The following DNAJC18 variants were observed in gnomAD, a reference collection of about 807,000 sequenced individuals.
The protein encoded by DNAJC18 is DnaJ heat shock protein family (Hsp40) member C18, also known as dnaJ homolog subfamily C member 18.
Under a neutral mutation model 48.6 loss-of-function variants are expected in DNAJC18, and 40 were observed. The observed-to-expected ratio is 0.82, with a 90% CI of 0.64 to 1.07. The LOEUF (loss-of-function observed/expected upper bound fraction) is 1.07, where lower values mean the gene tolerates loss of function less well. Ranked by LOEUF, DNAJC18 falls within the 50% of genes least tolerant of loss-of-function variation. The probability of loss-of-function intolerance (pLI) is 0.00; values close to 1 mark genes in which losing one functional copy is unlikely to be tolerated. For missense variants in DNAJC18, 340 were observed against 427.7 expected, an observed-to-expected ratio of 0.79 and a Z score of 1.81; for synonymous variants, 135 against 152.2, an observed-to-expected ratio of 0.89 and a Z score of 0.83.
intron 2 of DNAJC18, among the ~76,000 whole-genome samples, chr5:139,435,704 A>ATTTTTTTTT (rs1561470246): frequency 3.5e-4 from 7 of 20,130 alleles, no homozygotes; most frequent in South Asian, 2.3e-3. Context: ...CTTCATTGGA[A>ATTTTTTTTT]GTTTTTTTTT....
intron 7 of DNAJC18, among the ~76,000 whole-genome samples, chr5:139,417,301 C>T (rs2152082585): frequency 6.6e-6 from 1 of 151,696 alleles, no homozygotes; most frequent in Middle Eastern, 3.4e-3. Context: ...TTGCTAAAAA[C>T]AGTTTGCATT....
chr5:139,420,389 TA>T, intron 6 of DNAJC18, 164 bp from the exon 7 acceptor site: 1 of 641,330 alleles, frequency 1.6e-6, no homozygotes, highest in South Asian at 2.4e-5. Flanking sequence ...AAGTTGTAAG[TA>T]TAACATCATC....
intron 6 of DNAJC18, 54 bp downstream of exon 6, chr5:139,422,654 A>C (rs1759173022): frequency 7.5e-7 from 1 of 1,327,726 alleles, no homozygotes; most frequent in Non-Finnish European, 1.1e-6. Flanking sequence ...CAAAACCTTC[A>C]AGTCTTTCAC....
In DNAJC18 at chr5:139,422,595, C is replaced by T. The variant is rs149091943; in HGVS notation, c.779+113G>A. ...CCAGCTGTTCCTTTAAACATCAAAT[C>T]GGTGTTTTCTACAGCAAAAGGTGAA... is the stretch of plus-strand genomic sequence containing the variant. On this transcript the variant is annotated intron_variant, in intron 6 of 7. Coordinates refer to ENST00000302060, the MANE Select transcript of DNAJC18 (RefSeq NM_152686.4). The T allele has an allele frequency of 4.5e-4, 371 of 818,320 alleles. 5 individuals carry two copies. The East Asian group carries it at 8.8e-3, about 20-fold the overall frequency. The allele number at this position is 818,320 out of a possible 1,614,324, so 50.7% of individuals were successfully genotyped here. A position where few individuals can be genotyped will look rare whatever the true frequency, so the allele number is the denominator to read the frequency against.
chr5:139,438,989 A>T (rs573627045), intron 1 of DNAJC18, among the ~76,000 whole-genome samples: 1 of 152,348 alleles, frequency 6.6e-6, no homozygotes, highest in African/African-American at 2.4e-5. Context: ...AGGGTGGAAA[A>T]GGCTGGTCCT....
At chr5:139,423,972 C>T (rs1432569378) in intron 5 of DNAJC18, among the ~76,000 whole-genome samples, 2 of 152,128 alleles carry the variant, frequency 1.3e-5, no homozygotes, top group South Asian at 2.1e-4. Flanking sequence ...GTGCCTCTTA[C>T]AGTAGTGGGG....
intron 2 of DNAJC18, among the ~76,000 whole-genome samples, chr5:139,434,512 A>T (rs555981406): frequency 6.6e-6 from 1 of 152,092 alleles, no homozygotes; most frequent in Non-Finnish European, 1.5e-5. Context: ...TAGTAGAGAC[A>T]GGGCCTCGCT....
rs529158139 is a variant in DNAJC18 at position 139,411,941 on chromosome 5, C to A, written c.*2207G>T. On this transcript the variant is annotated 3_prime_UTR_variant, in exon 8 of 8. Coordinates refer to ENST00000302060, the MANE Select transcript of DNAJC18 (RefSeq NM_152686.4). The stretch of plus-strand genomic sequence containing the variant: ...TGTGTGTAGAAGAACTTTCCATAAG[C>A]CTGTTTGGCTCATGGACATATTTTA... The A allele has an allele frequency of 1.3e-5, 2 of 152,102 alleles. No individual in the cohort carries two copies. Among genetic ancestry groups the A allele is most frequent in the African/African-American group, 4.8e-5 (2 of 41,420 alleles). 9.4% of individuals were successfully genotyped at this position (152,102 alleles called of 1,614,324 possible).
chr5:139,430,583 C>CCA, intron 2 of DNAJC18, among the ~76,000 whole-genome samples: 1 of 115,898 alleles, frequency 8.6e-6, no homozygotes. Context: ...TATATATCTA[C>CCA]CTCTTTTTTT....
Position 139,422,783 on chromosome 5 carries a change from A to G in DNAJC18, c.704T>C (p.Val235Ala), listed in dbSNP as rs1759175056. ...GACAGATATAATCACAATCACAAGAACTGGAAGTAGCTGAATAAATGCAGA... is the reference window on the plus strand; with the variant it reads ...GACAGATATAATCACAATCACAAGAGCTGGAAGTAGCTGAATAAATGCAGA... ...TYSAFIQLLP[V>A]LVIVIISVIT... The change falls in exon 6 of 8, where the codon GTT becomes GCT. Residue 235 changes from valine to alanine, a missense_variant. Transcript: ENST00000302060. The G allele has an allele frequency of 6.2e-7, 1 of 1,610,524 alleles. No homozygotes were observed. The highest frequency in any genetic ancestry group is 1.7e-5 in the Admixed American group (1 of 59,444).
chr5:139,426,273 G>A lies in DNAJC18; in HGVS notation c.458C>T (p.Thr153Ile). The A allele has an allele frequency of 6.2e-7, 1 of 1,614,240 alleles. No homozygotes were observed. The highest frequency in any genetic ancestry group is 2.2e-5 in the East Asian group (1 of 44,894). ...DEYGDEQVTF[T>I]APRARPYNYY... ...ATTATAAGGTCTGGCTCGAGGGGCA[G>A]TGAAAGTCACCTGTTCATCTCCGTA... Residue 153 changes from threonine (T) to isoleucine (I), a missense_variant, in exon 4 of 8, where the codon ACT becomes ATT. Transcript: ENST00000302060.
intron 2 of DNAJC18, among the ~76,000 whole-genome samples, chr5:139,434,306 C>T (rs1384384142): frequency 6.6e-6 from 1 of 152,178 alleles, no homozygotes; most frequent in African/African-American, 2.4e-5. Context: ...AACTGTATCT[C>T]TTTTTTAAAA....
chr5:139,420,480 T>C (rs1240655981), intron 6 of DNAJC18, among the ~76,000 whole-genome samples: 1 of 150,990 alleles, frequency 6.6e-6, no homozygotes. Context: ...TCACCTCTCT[T>C]ATACTGCTCT....
intron 2 of DNAJC18, among the ~76,000 whole-genome samples, chr5:139,434,748 TTG>T (rs34748727): frequency 5.3e-4 from 80 of 150,478 alleles, no homozygotes; most frequent in African/African-American, 1.5e-3. Context: ...CTAACAGTAT[TTG>T]TGTGTGTGTG....
At chr5:139,417,839 GC>G (rs1333125508) in intron 7 of DNAJC18, among the ~76,000 whole-genome samples, 2 of 152,128 alleles carry the variant, frequency 1.3e-5, no homozygotes, top group Non-Finnish European at 2.9e-5. Context: ...CTCCCAAAGT[GC>G]TGGGATTACA....
At chr5:139,421,831 G>A (rs897486123) in intron 6 of DNAJC18, among the ~76,000 whole-genome samples, 2 of 151,854 alleles carry the variant, frequency 1.3e-5, no homozygotes, top group African/African-American at 4.8e-5. Flanking sequence ...AAACAAAAAA[G>A]GAAATACTGA....
At chr5:139,437,298 C>T in intron 2 of DNAJC18, 74 bp downstream of exon 2, 1 of 1,485,924 alleles carries the variant, frequency 6.7e-7, no homozygotes, top group Admixed American at 2.4e-5. Context: ...TCAGTCAATA[C>T]TTACATAGCA....
At chr5:139,427,305 T>C (rs1759258994) in intron 3 of DNAJC18, among the ~76,000 whole-genome samples, 1 of 152,232 alleles carries the variant, frequency 6.6e-6, no homozygotes, top group Non-Finnish European at 1.5e-5. Flanking sequence ...CCTTTCTATG[T>C]ACAGACGTGC....
Position 139,414,029 on chromosome 5 carries a change from A to G in DNAJC18, c.*119T>C. 55 of 1,440,726 alleles carry G rather than the reference A, an allele frequency of 3.8e-5. No individual in the cohort carries two copies. Among genetic ancestry groups the G allele is most frequent in the Non-Finnish European group, 5.1e-5 (55 of 1,088,086 alleles). The allele number at this position is 1,440,726 out of a possible 1,614,324, so 89.2% of individuals were successfully genotyped here. On this transcript the variant is annotated 3_prime_UTR_variant, in exon 8 of 8. Coordinates refer to ENST00000302060, the MANE Select transcript of DNAJC18 (RefSeq NM_152686.4). The stretch of plus-strand genomic sequence containing the variant: ...ATGCTCCTGCCACTCTGCCCAACCA[A>G]CGAAGTTAGCAAATAGTAAAGTGTT...
Sources: allele counts gnomAD v4.1 joint callset (sites outside exome capture counted in the v4.1 genomes callset), GRCh38; gene constraint gnomAD v4.1.1; transcripts MANE v1.5; gene names NCBI Gene and HGNC (gene_info 2026-07-23, HGNC 2026-07-21).